Variants in RMDN2 observed in about 807,000 individuals in gnomAD.
RMDN2 encodes regulator of microtubule dynamics 2.
RMDN2 carries 61 observed loss-of-function variants against 52.8 expected under a neutral mutation model. The ratio of observed to expected loss-of-function variants is 1.16; its 90% CI spans 0.94 to 1.43. The LOEUF is 1.43. RMDN2 is among the 40% of genes most tolerant of loss of function. The pLI is 0.00. For synonymous variants in RMDN2, 180 were observed against 153.1 expected (o/e 1.18, Z -1.30); for missense variants, 592 against 475.3 (o/e 1.25, Z -2.28).
intron 5 of RMDN2, among the ~76,000 whole-genome samples, chr2:37,985,238 A>G (rs1673844157): frequency 1.3e-5 from 2 of 152,328 alleles, no homozygotes; most frequent in East Asian, 1.9e-4. Flanking sequence ...GATAGATTCT[A>G]CCACTATAGA....
intron 2 of RMDN2, among the ~76,000 whole-genome samples, chr2:37,965,441 A>T (rs546263723): frequency 6.6e-6 from 1 of 151,600 alleles, no homozygotes; most frequent in East Asian, 1.9e-4. Context: ...TCCTAAAGTT[A>T]TAACAACATA....
intron 10 of RMDN2, among the ~76,000 whole-genome samples, chr2:38,038,282 G>C (rs1173958679): frequency 1.3e-5 from 2 of 152,166 alleles, no homozygotes; most frequent in Non-Finnish European, 2.9e-5. Context: ...ACGCGTTCAA[G>C]CGAGGGCGGA....
At chr2:38,040,233 A>G (rs1250088464) in intron 10 of RMDN2, among the ~76,000 whole-genome samples, 1 of 151,944 alleles carries the variant, frequency 6.6e-6, no homozygotes, top group Admixed American at 6.6e-5. Flanking sequence ...TTCTGTGTCT[A>G]TTCTTTTATC....
Position 38,017,486 on chromosome 2 carries a change from C to A in RMDN2, c.*247C>A. The A allele has an allele frequency of 9.3e-7, 1 of 1,075,928 alleles. No homozygotes were observed. 66.6% of individuals were successfully genotyped at this position (1,075,928 alleles called of 1,614,324 possible). A position where few individuals can be genotyped will look rare whatever the true frequency, so the allele number is the denominator to read the frequency against. On this transcript the variant is annotated 3_prime_UTR_variant, in exon 11 of 11. Transcript: ENST00000354545. ...CATGTATGCTTTATATTTTTCTTAT[C>A]AATAAACTGCAGCCTTAAGAATATT...
intron 10 of RMDN2, among the ~76,000 whole-genome samples, chr2:38,011,907 C>A (rs148139197): frequency 7.2e-4 from 109 of 152,318 alleles, no homozygotes; most frequent in African/African-American, 2.4e-3. Flanking sequence ...ATTCTCCTCA[C>A]AGCTTCCTTG....
intron 2 of RMDN2, among the ~76,000 whole-genome samples, chr2:37,964,418 C>T (rs6544121): frequency 3.3e-5 from 5 of 151,966 alleles, no homozygotes; most frequent in South Asian, 2.1e-4. Context: ...TCTTATTTGC[C>T]TTGTGATTGC....
intron 10 of RMDN2, among the ~76,000 whole-genome samples, chr2:38,053,470 A>G (rs1362282474): frequency 6.6e-6 from 1 of 152,222 alleles, no homozygotes; most frequent in Non-Finnish European, 1.5e-5. Context: ...GCTATTTTCA[A>G]GGGCTCCAAG....
chr2:37,930,621 C>G (rs1310717646), intron 2 of RMDN2, among the ~76,000 whole-genome samples: 1 of 152,198 alleles, frequency 6.6e-6, no homozygotes, highest in Non-Finnish European at 1.5e-5. Context: ...GACTTACTTT[C>G]TTGCAGGAAG....
chr2:37,944,898 G>A (rs532979528), intron 2 of RMDN2, among the ~76,000 whole-genome samples: 1 of 152,302 alleles, frequency 6.6e-6, no homozygotes, highest in East Asian at 1.9e-4. Context: ...CAGAGGGCAA[G>A]AGTAAAGATG....
intron 10 of RMDN2, among the ~76,000 whole-genome samples, chr2:38,040,146 G>A (rs955297121): frequency 6.6e-6 from 1 of 150,488 alleles, no homozygotes; most frequent in Non-Finnish European, 1.5e-5. Flanking sequence ...TTATTGAATT[G>A]CCTTTTACTA....
chr2:38,042,806 T>A (rs1465568826), intron 10 of RMDN2, among the ~76,000 whole-genome samples: 1 of 152,208 alleles, frequency 6.6e-6, no homozygotes, highest in Non-Finnish European at 1.5e-5. Flanking sequence ...ATTTGGGATT[T>A]TCCAATTATC....
At chr2:37,951,328 C>G in intron 2 of RMDN2, 2 of 1,613,022 alleles carry the variant, frequency 1.2e-6, no homozygotes, top group Admixed American at 3.3e-5. Context: ...ATTTCACAAC[C>G]AAGTATATCT....
intron 2 of RMDN2, among the ~76,000 whole-genome samples, chr2:37,933,032 G>A (rs1459766944): frequency 2.7e-4 from 41 of 151,276 alleles, no homozygotes; most frequent in African/African-American, 9.0e-4. Flanking sequence ...GGCGGCTGCC[G>A]GGCGGAGGGA....
Position 38,017,265 on chromosome 2 carries a change from T to C in RMDN2, c.*26T>C. ...ATAAACGAATTTACTCTTCAACAAATCAGATGTGGTCTACCAAAATTTAAA... is the reference window on the plus strand; with the variant it reads ...ATAAACGAATTTACTCTTCAACAAACCAGATGTGGTCTACCAAAATTTAAA... On this transcript the variant is annotated 3_prime_UTR_variant, in exon 11 of 11. Transcript: ENST00000354545. 6.7e-7 allele frequency: 1 copy of C among 1,493,284 alleles called. No homozygotes were observed. Among genetic ancestry groups the C allele is most frequent in the Non-Finnish European group, 8.9e-7 (1 of 1,121,496 alleles). The allele number at this position is 1,493,284 out of a possible 1,614,324, so 92.5% of individuals were successfully genotyped here. A position where few individuals can be genotyped will look rare whatever the true frequency, so the allele number is the denominator to read the frequency against.
intron 2 of RMDN2, among the ~76,000 whole-genome samples, chr2:37,963,939 G>T (rs1012957416): frequency 2.0e-5 from 3 of 151,342 alleles, no homozygotes; most frequent in African/African-American, 7.3e-5. Flanking sequence ...GCGGCCAGGC[G>T]GAGGTGCCCC....
chr2:38,012,628 A>G (rs1421667501), intron 10 of RMDN2: 3 of 466,676 alleles, frequency 6.4e-6, no homozygotes, highest in East Asian at 7.0e-5. Context: ...TATTCTTAGC[A>G]ATTTTTTTCC....
At chr2:38,060,805 A>G (rs938983078) in intron 10 of RMDN2, among the ~76,000 whole-genome samples, 1 of 136,570 alleles carries the variant, frequency 7.3e-6, no homozygotes, top group Non-Finnish European at 1.6e-5. Flanking sequence ...AGAGACAGCC[A>G]GGAAAGCATG....
chr2:37,953,184 A>C (rs916138934), intron 2 of RMDN2: 3 of 151,986 alleles, frequency 2.0e-5, no homozygotes, highest in Non-Finnish European at 1.5e-5. Flanking sequence ...TAATTTTTAA[A>C]AATTGTGATA....
chr2:38,061,646 C>CACACACATACACACAT (rs138471775), intron 10 of RMDN2, among the ~76,000 whole-genome samples: 62,944 of 149,630 alleles, frequency 0.42, 13,452 homozygotes, highest in South Asian at 0.51. Flanking sequence ...CACACACACA[C>CACACACATACACACAT]ACACACATAC....
Sources: allele counts gnomAD v4.1 joint callset (sites outside exome capture counted in the v4.1 genomes callset), GRCh38; gene constraint gnomAD v4.1.1; transcripts MANE v1.5; gene names NCBI Gene and HGNC (gene_info 2026-07-23, HGNC 2026-07-21).